CCDC91: variants seen among roughly 807,000 people sequenced by gnomAD.
The protein encoded by CCDC91 is coiled-coil domain containing 91.
In CCDC91, 48 loss-of-function variants were observed where a neutral mutation model predicts 63.2. The ratio of observed to expected loss-of-function variants is 0.76; its 90% CI spans 0.60 to 0.97. CCDC91 has a LOEUF of 0.97. CCDC91 is among the 50% of genes least tolerant of loss of function. The pLI, the probability that CCDC91 is intolerant of heterozygous loss-of-function variation, is 0.00. For missense variants in CCDC91, 500 were observed against 494.6 expected, an observed-to-expected ratio of 1.01 and a Z score of -0.10; for synonymous variants, 167 against 165.8, an observed-to-expected ratio of 1.01 and a Z score of -0.06.
chr12:28,476,568 G>A (rs558571138), intron 11 of CCDC91, among the ~76,000 whole-genome samples: 1 of 152,020 alleles, frequency 6.6e-6, no homozygotes, highest in East Asian at 1.9e-4. Context: ...AACTAGAGAA[G>A]CAAGAGCAAA....
At chr12:28,357,798 TG>T (rs1253210536) in intron 6 of CCDC91, among the ~76,000 whole-genome samples, 35 of 152,294 alleles carry the variant, frequency 2.3e-4, no homozygotes, top group Middle Eastern at 3.4e-3. Flanking sequence ...AGTCTTTTTT[TG>T]CTTAAAAAAT....
chr12:28,487,531 C>T (rs1258072407), intron 12 of CCDC91, among the ~76,000 whole-genome samples: 1 of 151,740 alleles, frequency 6.6e-6, no homozygotes, highest in African/African-American at 2.4e-5. Context: ...ATCTTCTTGT[C>T]TGTTTCCAAA....
At chr12:28,492,583 C>G (rs1449968652) in intron 12 of CCDC91, among the ~76,000 whole-genome samples, 1 of 151,172 alleles carries the variant, frequency 6.6e-6, no homozygotes, top group Non-Finnish European at 1.5e-5. Flanking sequence ...ACTTTACTAT[C>G]TAGGATGAAG....
intron 11 of CCDC91, among the ~76,000 whole-genome samples, chr12:28,472,195 A>G (rs1380508713): frequency 6.6e-6 from 1 of 152,206 alleles, no homozygotes; most frequent in African/African-American, 2.4e-5. Context: ...AAGCACTCCT[A>G]TCTGAAGCCA....
At chr12:28,316,552 A>T (rs1354644974) in intron 6 of CCDC91, among the ~76,000 whole-genome samples, 5 of 93,408 alleles carry the variant, frequency 5.4e-5, no homozygotes, top group African/African-American at 1.6e-4. Flanking sequence ...CAGCCAACTC[A>T]CACCTTTTTT....
chr12:28,205,878 G>A (rs191353266), intron 1 of CCDC91, among the ~76,000 whole-genome samples: 1 of 152,172 alleles, frequency 6.6e-6, no homozygotes, highest in African/African-American at 2.4e-5. Flanking sequence ...TGCTTTAGCA[G>A]TTCTCCCCTT....
chr12:28,317,535 T>C (rs1940021507), intron 6 of CCDC91, among the ~76,000 whole-genome samples: 1 of 152,006 alleles, frequency 6.6e-6, no homozygotes, highest in African/African-American at 2.4e-5. Context: ...CTCTAAGAAT[T>C]GTTGAAATGA....
intron 6 of CCDC91, among the ~76,000 whole-genome samples, chr12:28,347,801 A>G (rs1367853880): frequency 1.3e-5 from 2 of 152,242 alleles, no homozygotes; most frequent in Non-Finnish European, 2.9e-5. Flanking sequence ...AGGAAGAAAT[A>G]TAAAAATGCA....
chr12:28,239,603 A>G (rs1945197419), intron 1 of CCDC91, among the ~76,000 whole-genome samples: 1 of 152,182 alleles, frequency 6.6e-6, no homozygotes. Flanking sequence ...ATTATATGCT[A>G]GGAAATATAA....
intron 12 of CCDC91, among the ~76,000 whole-genome samples, chr12:28,547,057 A>C (rs1943040173): frequency 6.6e-6 from 1 of 152,088 alleles, no homozygotes; most frequent in South Asian, 2.1e-4. Context: ...CAATGAAATA[A>C]AGTGATTGTG....
At chr12:28,496,708 A>G (rs1209127466) in intron 12 of CCDC91, among the ~76,000 whole-genome samples, 2 of 151,440 alleles carry the variant, frequency 1.3e-5, no homozygotes, top group Non-Finnish European at 3.0e-5. Flanking sequence ...TTTTGTAGAA[A>G]GTTTGCAGCT....
At chr12:28,280,934 A>G (rs1202124692) in intron 3 of CCDC91, among the ~76,000 whole-genome samples, 5 of 151,902 alleles carry the variant, frequency 3.3e-5, no homozygotes, top group African/African-American at 1.2e-4. Flanking sequence ...CCATGATTGT[A>G]CCATTTTATT....
At chr12:28,477,369 C>G (rs1047028471) in intron 11 of CCDC91, among the ~76,000 whole-genome samples, 3 of 152,048 alleles carry the variant, frequency 2.0e-5, no homozygotes, top group Admixed American at 2.0e-4. Flanking sequence ...AAGACAAAAC[C>G]ACATGATTAT....
At chr12:28,368,298 T>A (rs1944402319) in intron 7 of CCDC91, among the ~76,000 whole-genome samples, 1 of 152,196 alleles carries the variant, frequency 6.6e-6, no homozygotes, top group East Asian at 1.9e-4. Flanking sequence ...CCAACCCATA[T>A]TTTTCCTTTA....
chr12:28,322,126 A>G (rs1323015566), intron 6 of CCDC91, among the ~76,000 whole-genome samples: 1 of 151,950 alleles, frequency 6.6e-6, no homozygotes, highest in Non-Finnish European at 1.5e-5. Context: ...ATTTACTTTT[A>G]GCTATAGATA....
chr12:28,263,884 A>G (rs1312391479), intron 3 of CCDC91, among the ~76,000 whole-genome samples: 1 of 151,956 alleles, frequency 6.6e-6, no homozygotes, highest in African/African-American at 2.4e-5. Context: ...TTTGGGGATA[A>G]TTAGTCTTTC....
intron 8 of CCDC91, among the ~76,000 whole-genome samples, chr12:28,418,809 C>T (rs1007277031): frequency 5.3e-5 from 8 of 151,948 alleles, no homozygotes; most frequent in South Asian, 2.1e-4. Context: ...TTTAGATAAG[C>T]GTGACATTCA....
intron 8 of CCDC91, among the ~76,000 whole-genome samples, chr12:28,408,631 T>A (rs1387564605): frequency 6.6e-6 from 1 of 152,044 alleles, no homozygotes; most frequent in Admixed American, 6.6e-5. Context: ...CACTTTTTGA[T>A]GGTTTATTTT....
chr12:28,378,833 T>C (rs1039551777), intron 7 of CCDC91, among the ~76,000 whole-genome samples: 1 of 152,102 alleles, frequency 6.6e-6, no homozygotes, highest in Non-Finnish European at 1.5e-5. Context: ...TTGTCCTTTC[T>C]TATCCCTCCC....
Sources: allele counts gnomAD v4.1 joint callset (sites outside exome capture counted in the v4.1 genomes callset), GRCh38; gene constraint gnomAD v4.1.1; transcripts MANE v1.5; gene names NCBI Gene and HGNC (gene_info 2026-07-23, HGNC 2026-07-21).